Variants in MYO18A observed in about 807,000 individuals in gnomAD.
MYO18A encodes unconventional myosin-XVIIIa.
In MYO18A, 78 loss-of-function variants were observed where a neutral mutation model predicts 235.8. The ratio of observed to expected loss-of-function variants is 0.33; its 90% confidence interval spans 0.28 to 0.40. The LOEUF (loss-of-function observed/expected upper bound fraction) is 0.40. MYO18A is among the 10% of genes least tolerant of loss of function. The probability of loss-of-function intolerance (pLI) is 1.00; values close to 1 mark genes in which losing one functional copy is unlikely to be tolerated. For synonymous variants in MYO18A, 977 were observed against 1,077.8 expected, an observed-to-expected ratio of 0.91 and a Z score of 1.83; for missense variants, 2,215 against 2,699.3, an observed-to-expected ratio of 0.82 and a Z score of 3.98.
At chr17:29,099,016 T>C (rs1431550416) in intron 22 of MYO18A, 47 bp from the exon 23 acceptor site, 2 of 1,607,650 alleles carry the variant, frequency 1.2e-6, no homozygotes, top group Non-Finnish European at 1.7e-6. Context: ...TCAGTCACCC[T>C]GGCCAAGCTC....
At chr17:29,080,891 C>A in intron 41 of MYO18A, 11 of 985,480 alleles carry the variant, frequency 1.1e-5, no homozygotes, top group Non-Finnish European at 1.3e-5. Context: ...AGCGAATCCG[C>A]GTCCCCGGTG....
In MYO18A at chr17:29,118,328, C is replaced by T. The variant is rs1377927974; in HGVS notation, c.1893+49G>A. 2 of 1,579,504 alleles carry T rather than the reference C, an allele frequency of 1.3e-6. No homozygotes were observed. Among genetic ancestry groups the T allele is most frequent in the South Asian group, 2.3e-5 (2 of 88,206 alleles). ...CCCACAGGACCCATGGAGGCTTCTCCTACCCCCAAGGCCCAGGGCTGGCAA... is the reference window on the plus strand; with the variant it reads ...CCCACAGGACCCATGGAGGCTTCTCTTACCCCCAAGGCCCAGGGCTGGCAA... On this transcript the variant is annotated intron_variant, in intron 9 of 41. Transcript: ENST00000527372. This position sits in a 1 kb window ranked among gnomAD's most constrained non-coding sequence, Gnocchi z 4.2.
chr17:29,107,831 G>A (rs1187589382), intron 19 of MYO18A, among the ~76,000 whole-genome samples: 2 of 150,162 alleles, frequency 1.3e-5, no homozygotes, highest in African/African-American at 2.5e-5. Flanking sequence ...CAGAAGAATC[G>A]CTTGAACTCA....
intron 2 of MYO18A, among the ~76,000 whole-genome samples, chr17:29,157,771 T>C (rs914957890): frequency 2.0e-5 from 3 of 152,158 alleles, no homozygotes; most frequent in African/African-American, 7.2e-5. Flanking sequence ...AAGGCATTTC[T>C]GTTTAGTTCA....
intron 34 of MYO18A, 89 bp downstream of exon 34, chr17:29,092,227 AGGACCTGTCACAAGTCCTGACGTGGAG>A: frequency 1.4e-6 from 1 of 720,676 alleles, no homozygotes; most frequent in Non-Finnish European, 2.4e-6. Flanking sequence ...CTGGCGTGAA[AGGACCTGTCACAAGTCCTGACGTGGAG>A]GGACCTGTCT....
intron 2 of MYO18A, among the ~76,000 whole-genome samples, chr17:29,154,206 C>G (rs1384351337): frequency 6.6e-6 from 1 of 152,046 alleles, no homozygotes; most frequent in East Asian, 1.9e-4. Context: ...GGTTCTCTTC[C>G]CCAGGTCGAA....
At chr17:29,119,211 T>C (rs1363427664) in intron 8 of MYO18A, 124 bp downstream of exon 8, 10 of 677,368 alleles carry the variant, frequency 1.5e-5, no homozygotes, top group Non-Finnish European at 2.3e-5. Flanking sequence ...ATAGCAGACA[T>C]GCACTGACCA....
intron 2 of MYO18A, among the ~76,000 whole-genome samples, chr17:29,153,845 C>A (rs183393800): frequency 1.3e-5 from 2 of 152,218 alleles, no homozygotes; most frequent in East Asian, 3.9e-4. Context: ...GGTAGAGGAC[C>A]CTTTATAAGA....
At chr17:29,143,381 C>T (rs2067782679) in intron 2 of MYO18A, among the ~76,000 whole-genome samples, 1 of 151,552 alleles carries the variant, frequency 6.6e-6, no homozygotes, top group Non-Finnish European at 1.5e-5. Flanking sequence ...CACAGGCATG[C>T]ACCACCGTGC....
At chr17:29,104,919 G>A (rs190452345) in intron 20 of MYO18A, among the ~76,000 whole-genome samples, 57 of 152,182 alleles carry the variant, frequency 3.7e-4, no homozygotes, top group Admixed American at 1.4e-3. Context: ...GGTGGCTCAC[G>A]CCTGTAATCC....
Position 29,125,979 on chromosome 17 carries a change from A to G in MYO18A, c.1000-3726T>C, listed in dbSNP as rs1315414785. 31 of 985,544 alleles carry G rather than the reference A, an allele frequency of 3.1e-5. No homozygotes were observed. Among genetic ancestry groups the G allele is most frequent in the Non-Finnish European group, 3.7e-5 (31 of 829,756 alleles). 61.0% of individuals were successfully genotyped at this position (985,544 alleles called of 1,614,324 possible). On this transcript the variant is annotated intron_variant, in intron 2 of 41. Coordinates refer to ENST00000527372, the MANE Select transcript of MYO18A (RefSeq NM_078471.4). The surrounding 1 kb of genome is among the most constrained non-coding windows in gnomAD (Gnocchi z 5.1). ...TTGGCAGCTCCTGCCTAAAGGTTAA[A>G]CCACTATTAGTCCCAGCCCAGAAAT...
At chr17:29,092,287 C>T in intron 34 of MYO18A, 56 bp downstream of exon 34, 16 of 1,319,716 alleles carry the variant, frequency 1.2e-5, no homozygotes, top group Non-Finnish European at 1.7e-5. Flanking sequence ...GCCACAGAGG[C>T]AGCTCTATTC....
Position 29,166,416 on chromosome 17 carries a change from C to G in MYO18A, c.525G>C (p.Gln175His). ...PQVEVRTLEG[Q>H]LVQHPGPGIP... ...TGCCTGGGCCAGGATGCTGCACCAG[C>G]TGTCCCTCTAGAGTCCTCACCTCCA... The change falls in exon 2 of 42, where the codon CAG (glutamine) becomes CAC (histidine). Residue 175 changes from glutamine to histidine, a missense_variant. Physicochemically the swap from Gln to His is conservative, Grantham distance 24. Coordinates refer to ENST00000527372, the MANE Select transcript of MYO18A (RefSeq NM_078471.4). The G allele has an allele frequency of 6.2e-7, 1 of 1,613,872 alleles. No homozygotes were observed. The highest frequency in any genetic ancestry group is 1.1e-5 in the South Asian group (1 of 91,088).
At chr17:29,090,996 T>G in intron 34 of MYO18A, 70 bp from the exon 35 acceptor site, 2 of 1,224,984 alleles carry the variant, frequency 1.6e-6, no homozygotes, top group African/African-American at 1.5e-5. Flanking sequence ...CTGCCTCCAA[T>G]GGCAGGGGCA....
intron 21 of MYO18A, among the ~76,000 whole-genome samples, chr17:29,100,241 G>A (rs1182676413): frequency 1.3e-5 from 2 of 152,220 alleles, no homozygotes; most frequent in African/African-American, 2.4e-5. Flanking sequence ...GTGGATGCTG[G>A]AGGATGTCTG....
chr17:29,166,305 G>A lies in MYO18A; in HGVS notation c.636C>T (p.Pro212=). The A allele has an allele frequency of 6.2e-7, 1 of 1,612,576 alleles. No individual in the cohort carries two copies. Among genetic ancestry groups the A allele is most frequent in the Non-Finnish European group, 8.5e-7 (1 of 1,179,876 alleles). ...GCTCCCGGAGGGTAGGTGGGGGCAG[G>A]GGCACCACGGGGGGCAGGCGCAGGT... The part of the protein sequence containing the change: ...PVDLRLPPVV[P]LPPPTLRELE... Residue 212 remains proline (P), a synonymous_variant, in exon 2 of 42, where the codon CCC becomes CCT. Transcript: ENST00000527372.
chr17:29,165,697 T>G (rs902242634), intron 2 of MYO18A, among the ~76,000 whole-genome samples: 1 of 152,128 alleles, frequency 6.6e-6, no homozygotes, highest in Non-Finnish European at 1.5e-5. Flanking sequence ...GTCCTTGTCT[T>G]TCTTCATTAG....
chr17:29,142,942 G>A (rs1347991158), intron 2 of MYO18A, among the ~76,000 whole-genome samples: 1 of 152,216 alleles, frequency 6.6e-6, no homozygotes, highest in Non-Finnish European at 1.5e-5. Context: ...TGTGTAGCTG[G>A]GATTACAGGC....
intron 2 of MYO18A, among the ~76,000 whole-genome samples, chr17:29,162,343 C>T (rs923317217): frequency 6.6e-6 from 1 of 152,212 alleles, no homozygotes; most frequent in African/African-American, 2.4e-5. Flanking sequence ...ACCTGGCTCC[C>T]GTGGATGCCT....
Sources: allele counts gnomAD v4.1 joint callset (sites outside exome capture counted in the v4.1 genomes callset), GRCh38; gene constraint gnomAD v4.1.1; non-coding constraint Gnocchi (gnomAD v3.1); transcripts MANE v1.5; gene names NCBI Gene and HGNC (gene_info 2026-07-23, HGNC 2026-07-21).